DLGAP2: variants seen among roughly 807,000 people sequenced by gnomAD.
The protein encoded by DLGAP2 is DLG associated protein 2.
Under a neutral mutation model 100.3 loss-of-function variants are expected in DLGAP2, and 26 were observed. That is an observed-to-expected ratio of 0.26 (90% CI 0.19 to 0.36). The LOEUF is 0.36. Ranked by LOEUF, DLGAP2 falls within the 10% of genes least tolerant of loss-of-function variation. DLGAP2 has a pLI of 1.00. For missense variants in DLGAP2, 1,858 were observed against 1,453.2 expected, an observed-to-expected ratio of 1.28 and a Z score of -4.53; for synonymous variants, 886 against 630.1, an observed-to-expected ratio of 1.41 and a Z score of -6.08.
At position 1,549,509 on chromosome 8, in the gene DLGAP2, G is replaced by C; in HGVS notation, c.1056G>C (p.Ser352=). The C allele has an allele frequency of 6.2e-7, 1 of 1,613,462 alleles. No individual in the cohort carries two copies. Among genetic ancestry groups the C allele is most frequent in the African/African-American group, 1.3e-5 (1 of 75,058 alleles). The part of the protein sequence containing the change: ...TSKSNNDVKC[S]ACEGLALTPD... ...AGAGCAACAACGACGTCAAGTGCTC[G>C]GCCTGTGAGGGGTTGGCGCTGACGC... Residue 352 remains serine (S), a synonymous_variant, in exon 5 of 15, where the codon TCG becomes TCC. Coordinates refer to ENST00000637795, the MANE Select transcript of DLGAP2 (RefSeq NM_001346810.2).
intron 8 of DLGAP2, among the ~76,000 whole-genome samples, chr8:1,638,443 C>T (rs2130789263): frequency 6.6e-6 from 1 of 152,212 alleles, no homozygotes; most frequent in African/African-American, 2.4e-5. Context: ...GGACTCACAG[C>T]CTCCATGACA....
At chr8:1,645,939 A>C (rs1051801930) in intron 8 of DLGAP2, among the ~76,000 whole-genome samples, 6 of 152,152 alleles carry the variant, frequency 3.9e-5, no homozygotes, top group African/African-American at 1.4e-4. Flanking sequence ...TTTCCCGTTC[A>C]GTTTGCGAAT....
At chr8:1,322,642 G>T (rs908348761) in intron 3 of DLGAP2, among the ~76,000 whole-genome samples, 1 of 151,918 alleles carries the variant, frequency 6.6e-6, no homozygotes, top group South Asian at 2.1e-4. Context: ...CACGTGTATT[G>T]TTCCATGGAA....
At chr8:1,679,714 G>C (rs530725081) in intron 12 of DLGAP2, among the ~76,000 whole-genome samples, 1 of 152,306 alleles carries the variant, frequency 6.6e-6, no homozygotes, top group South Asian at 2.1e-4. Context: ...AGGCACGGTG[G>C]CTCACGCCTG....
chr8:899,869 TTTG>T (rs1399963369), intron 1 of DLGAP2, among the ~76,000 whole-genome samples: 3 of 152,194 alleles, frequency 2.0e-5, no homozygotes, highest in Non-Finnish European at 4.4e-5. Context: ...ACACCACTTA[TTTG>T]TTATGTGAAC....
At chr8:1,104,432 T>C (rs73524649) in intron 2 of DLGAP2, among the ~76,000 whole-genome samples, 8,556 of 152,212 alleles carry the variant, frequency 0.056, 359 homozygotes, top group African/African-American at 0.12. Context: ...GGAAATCCCT[T>C]TGGTGACAAG....
At chr8:1,680,475 A>G (rs1798918195) in intron 12 of DLGAP2, 1 of 152,230 alleles carries the variant, frequency 6.6e-6, no homozygotes, top group Admixed American at 6.5e-5. Flanking sequence ...AAAGAAAGAC[A>G]TTGCCTTTAA....
intron 2 of DLGAP2, chr8:1,250,710 C>T (rs938033418): frequency 8.5e-5 from 13 of 152,050 alleles, no homozygotes; most frequent in African/African-American, 1.9e-4. Context: ...TTTGCCTTCA[C>T]GTTGTTTCAC....
chr8:917,089 C>T (rs558604508), intron 2 of DLGAP2, among the ~76,000 whole-genome samples: 78 of 152,340 alleles, frequency 5.1e-4, no homozygotes, highest in South Asian at 1.0e-3. Context: ...CAAAGTAAAA[C>T]ACCAGTGAAG....
intron 2 of DLGAP2, among the ~76,000 whole-genome samples, chr8:1,216,823 G>T (rs1242776924): frequency 1.3e-5 from 2 of 151,968 alleles, no homozygotes; most frequent in Non-Finnish European, 2.9e-5. Context: ...ACCTAATCAG[G>T]GAATGAGTTC....
chr8:1,470,523 C>A lies in DLGAP2; in HGVS notation c.107-30843C>A, dbSNP rs533562919. ...CAGAATCGTTTAAATACAACAAAAT[C>A]CATGGGCCAGTCACACGCAGAAGCA... On this transcript the variant is annotated intron_variant, in intron 3 of 14. Transcript: ENST00000637795. 1.2e-3 allele frequency among the ~76,000 whole-genome samples: 182 copies of A among 152,246 alleles called. 1 individual carries two copies. Among genetic ancestry groups the A allele is most frequent in the African/African-American group, 4.1e-3 (172 of 41,518 alleles).
At chr8:1,235,234 T>C (rs1251892265) in intron 2 of DLGAP2, among the ~76,000 whole-genome samples, 1 of 122,086 alleles carries the variant, frequency 8.2e-6, no homozygotes, top group African/African-American at 4.4e-5. Flanking sequence ...ATGGCATGTC[T>C]AGTTCTCTCA....
intron 2 of DLGAP2, among the ~76,000 whole-genome samples, chr8:1,053,900 G>A (rs1008285076): frequency 2.0e-5 from 3 of 152,154 alleles, no homozygotes; most frequent in African/African-American, 7.2e-5. Flanking sequence ...AGCAAGTACT[G>A]TTGAGTTTAT....
At position 1,536,055 on chromosome 8, in the gene DLGAP2, C is replaced by A. The variant is rs138901748; in HGVS notation, c.173-12571C>A. Among the ~76,000 whole-genome samples, 387 of 152,264 alleles carry A rather than the reference C, an allele frequency of 2.5e-3. 2 individuals are homozygous for A. Among genetic ancestry groups the A allele is most frequent in the African/African-American group, 8.6e-3 (359 of 41,550 alleles). The stretch of plus-strand genomic sequence containing the variant: ...GTGAGTAGCATTAGCCCCAGTTTCT[C>A]CATTAAAGGAATTAAACCGTTTGTG... On this transcript the variant is annotated intron_variant, in intron 4 of 14. Transcript: ENST00000637795.
chr8:1,319,825 C>T (rs534130597), intron 3 of DLGAP2, among the ~76,000 whole-genome samples: 10 of 152,264 alleles, frequency 6.6e-5, no homozygotes, highest in Admixed American at 5.2e-4. Flanking sequence ...ACATGCCAGA[C>T]AATGGCAAGG....
intron 2 of DLGAP2, among the ~76,000 whole-genome samples, chr8:958,283 G>A (rs561726286): frequency 2.0e-5 from 3 of 152,174 alleles, no homozygotes; most frequent in East Asian, 3.9e-4. Context: ...ATGTTTTGTC[G>A]ATCCATTCAT....
At chr8:954,404 A>G (rs566738364) in intron 2 of DLGAP2, among the ~76,000 whole-genome samples, 1 of 152,316 alleles carries the variant, frequency 6.6e-6, no homozygotes, top group South Asian at 2.1e-4. Context: ...GTGACCAAGA[A>G]ATGTGTTCAA....
rs146727436 is a variant in DLGAP2 at position 1,334,846 on chromosome 8, C to T, written c.106+75963C>T. Among the ~76,000 whole-genome samples, 914 of 152,276 alleles carry T rather than the reference C, an allele frequency of 6.0e-3. 5 individuals carry two copies. The highest frequency in any genetic ancestry group is 0.021 in the African/African-American group (883 of 41,542). ...GAGACACGAAATTGCCTCACTAACA[C>T]GGCTGTCTTGCCTCTCTCGCCTCTT... is the stretch of plus-strand genomic sequence containing the variant. On this transcript the variant is annotated intron_variant, in intron 3 of 14. Transcript: ENST00000637795.
chr8:1,036,099 C>G (rs1802112355), intron 2 of DLGAP2, among the ~76,000 whole-genome samples: 1 of 142,340 alleles, frequency 7.0e-6, no homozygotes, highest in African/African-American at 2.6e-5. Flanking sequence ...CCCGACCCCG[C>G]GTGTCACCGC....
Sources: allele counts gnomAD v4.1 joint callset (sites outside exome capture counted in the v4.1 genomes callset), GRCh38; gene constraint gnomAD v4.1.1; transcripts MANE v1.5; gene names NCBI Gene and HGNC (gene_info 2026-07-23, HGNC 2026-07-21).